JAKMIP2: variants seen among roughly 807,000 people sequenced by gnomAD.
The protein encoded by JAKMIP2 is janus kinase and microtubule-interacting protein 2.
Under a neutral mutation model 115.0 loss-of-function variants are expected in JAKMIP2, and 25 were observed. The observed-to-expected ratio is 0.22, with a 90% CI of 0.16 to 0.30. The LOEUF (loss-of-function observed/expected upper bound fraction) is 0.30, where lower values mean the gene tolerates loss of function less well. JAKMIP2 is among the 10% of genes least tolerant of loss of function. The pLI, the probability that JAKMIP2 is intolerant of heterozygous loss-of-function variation, is 1.00. For synonymous variants in JAKMIP2, 334 were observed against 343.6 expected (o/e 0.97, Z 0.31); for missense variants, 642 against 957.6 (o/e 0.67, Z 4.35).
At chr5:147,630,505 G>A (rs1757307295) in intron 14 of JAKMIP2, among the ~76,000 whole-genome samples, 1 of 152,210 alleles carries the variant, frequency 6.6e-6, no homozygotes, top group Non-Finnish European at 1.5e-5. Flanking sequence ...AATGGTTTAA[G>A]ATGGAAGGCA....
chr5:147,629,783 T>C (rs1757271374), intron 14 of JAKMIP2, 37 bp from the exon 15 acceptor site: 2 of 1,553,756 alleles, frequency 1.3e-6, no homozygotes, highest in Non-Finnish European at 1.8e-6. Context: ...CAAAGACAAA[T>C]GTGGCCTCCT....
Position 147,590,060 on chromosome 5 carries a change from A to G in JAKMIP2, c.*1647T>C, listed in dbSNP as rs1434398973. 6.6e-6 allele frequency: 1 copy of G among 152,236 alleles called. No individual in the cohort carries two copies. Among genetic ancestry groups the G allele is most frequent in the Non-Finnish European group, 1.5e-5 (1 of 68,050 alleles). 9.4% of individuals were successfully genotyped at this position (152,236 alleles called of 1,614,324 possible). A position where few individuals can be genotyped will look rare whatever the true frequency, so the allele number is the denominator to read the frequency against. On this transcript the variant is annotated 3_prime_UTR_variant, in exon 22 of 22. Transcript: ENST00000616793. ...CTGGGCCAAAGATACCTGGGTCAGC[A>G]GTAAATGTAAGAACAAAAAGTGGGA...
intron 7 of JAKMIP2, 134 bp downstream of exon 7, chr5:147,643,924 A>T: frequency 1.7e-6 from 1 of 594,520 alleles, no homozygotes; most frequent in East Asian, 2.9e-5. Flanking sequence ...TACAGTCTCT[A>T]GAACAAAATT....
At chr5:147,729,730 C>T (rs550059593) in intron 1 of JAKMIP2, among the ~76,000 whole-genome samples, 3 of 150,408 alleles carry the variant, frequency 2.0e-5, no homozygotes, top group Non-Finnish European at 2.9e-5. Context: ...GCCGAGATCG[C>T]GCCTCTGCAC....
At chr5:147,722,162 G>A (rs1254668280) in intron 1 of JAKMIP2, among the ~76,000 whole-genome samples, 1 of 152,112 alleles carries the variant, frequency 6.6e-6, no homozygotes, top group African/African-American at 2.4e-5. Flanking sequence ...AAAATCAACC[G>A]ATTGCTGTTT....
At chr5:147,623,840 G>A (rs1581309437) in intron 16 of JAKMIP2, 151 bp from the exon 17 acceptor site, 1 of 523,172 alleles carries the variant, frequency 1.9e-6, no homozygotes, top group African/African-American at 2.0e-5. Context: ...TTGCTTGTTT[G>A]TTTGTTTTGT....
At chr5:147,710,579 T>TA (rs1191716998) in intron 1 of JAKMIP2, among the ~76,000 whole-genome samples, 1 of 152,218 alleles carries the variant, frequency 6.6e-6, no homozygotes, top group Non-Finnish European at 1.5e-5. Flanking sequence ...ATAAAGATTA[T>TA]AATACTTGCT....
At chr5:147,715,266 A>G (rs1489125185) in intron 1 of JAKMIP2, among the ~76,000 whole-genome samples, 1 of 152,034 alleles carries the variant, frequency 6.6e-6, no homozygotes, top group Admixed American at 6.6e-5. Flanking sequence ...ATTTGGGCAG[A>G]CAAAAAACAT....
chr5:147,593,432 C>T (rs10040153), intron 21 of JAKMIP2, among the ~76,000 whole-genome samples: 144,796 of 152,244 alleles, frequency 0.95, 69,266 homozygotes, highest in East Asian at 1. Context: ...GTCAAAGGAG[C>T]TGAGAGGGAG....
At chr5:147,702,972 G>A (rs1008352428) in intron 1 of JAKMIP2, among the ~76,000 whole-genome samples, 6 of 152,106 alleles carry the variant, frequency 3.9e-5, no homozygotes, top group African/African-American at 1.4e-4. Context: ...TAATTTCAAA[G>A]AAGTAAAGAA....
intron 1 of JAKMIP2, among the ~76,000 whole-genome samples, chr5:147,687,534 G>T (rs902308203): frequency 6.6e-6 from 1 of 152,164 alleles, no homozygotes; most frequent in East Asian, 1.9e-4. Flanking sequence ...CAATAAAGAA[G>T]AATTGAGTAA....
At chr5:147,672,562 TTATC>T (rs55967451) in intron 1 of JAKMIP2, among the ~76,000 whole-genome samples, 30 of 152,162 alleles carry the variant, frequency 2.0e-4, no homozygotes, top group African/African-American at 3.6e-4. Flanking sequence ...GGGAAAAAAT[TTATC>T]TATCTATCTA....
chr5:147,690,709 A>G (rs1386786975), intron 1 of JAKMIP2, among the ~76,000 whole-genome samples: 1 of 151,982 alleles, frequency 6.6e-6, no homozygotes, highest in Non-Finnish European at 1.5e-5. Context: ...TGGATGCCTC[A>G]CATGGTTCAT....
chr5:147,777,892 T>C (rs1405303411), intron 1 of JAKMIP2, among the ~76,000 whole-genome samples: 1 of 152,146 alleles, frequency 6.6e-6, no homozygotes, highest in African/African-American at 2.4e-5. Context: ...AACAAATAAA[T>C]ATTTTTGATA....
chr5:147,702,689 A>AAAGAGGAAG (rs1561547858), intron 1 of JAKMIP2, among the ~76,000 whole-genome samples: 6 of 139,776 alleles, frequency 4.3e-5, no homozygotes, highest in Non-Finnish European at 7.6e-5. Flanking sequence ...AGAAAGAAAG[A>AAAGAGGAAG]AAAGAAAAGA....
intron 2 of JAKMIP2, among the ~76,000 whole-genome samples, chr5:147,665,792 T>C (rs1318830392): frequency 6.6e-6 from 1 of 152,192 alleles, no homozygotes; most frequent in Non-Finnish European, 1.5e-5. Context: ...TTACTGGATA[T>C]AATAGGAGAT....
chr5:147,711,563 T>C (rs538825115), intron 1 of JAKMIP2, among the ~76,000 whole-genome samples: 1 of 152,220 alleles, frequency 6.6e-6, no homozygotes, highest in Non-Finnish European at 1.5e-5. Context: ...AAGCCTCAGT[T>C]TCCTCATCGA....
intron 1 of JAKMIP2, among the ~76,000 whole-genome samples, chr5:147,702,980 G>C (rs934170332): frequency 2.6e-5 from 4 of 152,206 alleles, no homozygotes; most frequent in South Asian, 4.1e-4. Flanking sequence ...AAGAAGTAAA[G>C]AATCTCAGAG....
chr5:147,618,155 CATTGAT>C (rs758876059), intron 18 of JAKMIP2, 41 bp from the exon 19 acceptor site: 1 of 1,446,430 alleles, frequency 6.9e-7, no homozygotes, highest in East Asian at 2.3e-5. Flanking sequence ...TGGAACTTGG[CATTGAT>C]ATCTGGTGTG....
Sources: allele counts gnomAD v4.1 joint callset (sites outside exome capture counted in the v4.1 genomes callset), GRCh38; gene constraint gnomAD v4.1.1; transcripts MANE v1.5; gene names NCBI Gene and HGNC (gene_info 2026-07-23, HGNC 2026-07-21).